TRIM24: variants seen among roughly 807,000 people sequenced by gnomAD.
The protein encoded by TRIM24 is tripartite motif containing 24.
A neutral mutation model predicts 123.9 loss-of-function variants in TRIM24; 29 were observed. The observed-to-expected ratio is 0.23, with a 90% CI of 0.17 to 0.32. The LOEUF (loss-of-function observed/expected upper bound fraction) is 0.32. Among genes scored for constraint, TRIM24 ranks in the 10% least tolerant of loss-of-function variants. TRIM24 has a pLI of 1.00. For missense variants in TRIM24, 932 were observed against 1,295.3 expected (o/e 0.72, Z 4.31); for synonymous variants, 456 against 461.1 (o/e 0.99, Z 0.14).
At chr7:138,563,549 C>T (rs947110066) in intron 9 of TRIM24, among the ~76,000 whole-genome samples, 1 of 152,164 alleles carries the variant, frequency 6.6e-6, no homozygotes, top group Admixed American at 6.5e-5. Flanking sequence ...CTCTTGGTCA[C>T]GGTTAATATA....
At chr7:138,500,908 C>T (rs1411574415) in intron 1 of TRIM24, among the ~76,000 whole-genome samples, 1 of 151,528 alleles carries the variant, frequency 6.6e-6, no homozygotes, top group African/African-American at 2.4e-5. Context: ...TCATCTGTAA[C>T]GCAATGGTAT....
intron 1 of TRIM24, among the ~76,000 whole-genome samples, chr7:138,489,580 A>G (rs1278427732): frequency 6.6e-6 from 1 of 152,128 alleles, no homozygotes; most frequent in Non-Finnish European, 1.5e-5. Flanking sequence ...CTTGTCTATA[A>G]AGGATTTTAT....
At chr7:138,484,572 A>G (rs563444884) in intron 1 of TRIM24, among the ~76,000 whole-genome samples, 22 of 152,086 alleles carry the variant, frequency 1.4e-4, no homozygotes, top group Non-Finnish European at 2.5e-4. Flanking sequence ...TTCTTTTCAC[A>G]TGCTGTAGGA....
intron 1 of TRIM24, among the ~76,000 whole-genome samples, chr7:138,474,464 C>T (rs951151939): frequency 6.6e-6 from 1 of 152,108 alleles, no homozygotes; most frequent in Non-Finnish European, 1.5e-5. Context: ...CAAGGAGCCC[C>T]AATTCCTTAT....
chr7:138,535,410 G>C (rs2116600728), intron 6 of TRIM24, among the ~76,000 whole-genome samples: 1 of 152,260 alleles, frequency 6.6e-6, no homozygotes, highest in South Asian at 2.1e-4. Flanking sequence ...TGGCAGGCCT[G>C]GTGGTGACAA....
intron 1 of TRIM24, among the ~76,000 whole-genome samples, chr7:138,487,424 A>G (rs553465010): frequency 1.6e-4 from 24 of 152,282 alleles, no homozygotes; most frequent in African/African-American, 4.1e-4. Flanking sequence ...GCCAATTTTC[A>G]AAGGGAATTT....
rs1043446680 is a variant in TRIM24, at chr7:138,546,428, T to C, written c.1144-4635T>C. Among the ~76,000 whole-genome samples, 15 of 152,326 alleles carry C rather than the reference T, an allele frequency of 9.8e-5. 1 individual carries two copies. Among genetic ancestry groups the C allele is most frequent in the Admixed American group, 6.5e-4 (10 of 15,308 alleles). ...GCATCATGGAAAAGACTGCTGAAAC[T>C]GTTGGCATTTGGATGAAGTGTTTAA... On this transcript the variant is annotated intron_variant, in intron 7 of 18. Transcript: ENST00000343526.
At chr7:138,526,077 CAA>C (rs1301821341) in intron 5 of TRIM24, among the ~76,000 whole-genome samples, 1 of 152,136 alleles carries the variant, frequency 6.6e-6, no homozygotes, top group East Asian at 1.9e-4. Context: ...GTTTTACACA[CAA>C]AAGAAATGTC....
chr7:138,507,932 T>C lies in TRIM24; in HGVS notation c.483+3524T>C, dbSNP rs1483029436. Reference sequence around the variant, plus strand: ...CTGGGTGACAGAGTGAGACCCTATCTCAAAAAAAAAAAAATTTTTTTTTAA... The same window carrying C: ...CTGGGTGACAGAGTGAGACCCTATCCCAAAAAAAAAAAAATTTTTTTTTAA... On this transcript the variant is annotated intron_variant, in intron 2 of 18. Transcript: ENST00000343526. 1.3e-4 allele frequency among the ~76,000 whole-genome samples: 20 copies of C among 148,314 alleles called. No individual in the cohort carries two copies. The Admixed American group carries it at 1.4e-3, about 10-fold the overall frequency.
chr7:138,560,496 C>T (rs1797403712), intron 9 of TRIM24, among the ~76,000 whole-genome samples: 1 of 152,188 alleles, frequency 6.6e-6, no homozygotes, highest in African/African-American at 2.4e-5. Flanking sequence ...TAGGTTTTTA[C>T]AGGGTGTGGC....
chr7:138,466,232 T>C (rs560265355), intron 1 of TRIM24, among the ~76,000 whole-genome samples: 1 of 152,116 alleles, frequency 6.6e-6, no homozygotes, highest in Non-Finnish European at 1.5e-5. Context: ...TGACCTCAGG[T>C]GATCCACCCG....
intron 7 of TRIM24, among the ~76,000 whole-genome samples, chr7:138,541,679 T>C (rs1797007981): frequency 6.6e-6 from 1 of 152,214 alleles, no homozygotes; most frequent in Admixed American, 6.5e-5. Flanking sequence ...AGTCAGTCTG[T>C]CCTTTGAGGA....
rs1798065979 is a variant in TRIM24, at chr7:138,589,179, G to T, written c.*4228G>T. ...TTTATTGCATATTCATCTTGAATGTGAATTTACTGTTGTAATTCACATACT... is the reference window on the plus strand; with the variant it reads ...TTTATTGCATATTCATCTTGAATGTTAATTTACTGTTGTAATTCACATACT... On this transcript the variant is annotated 3_prime_UTR_variant, in exon 19 of 19. Coordinates refer to ENST00000343526, the MANE Select transcript of TRIM24 (RefSeq NM_015905.3). The T allele has an allele frequency of 6.6e-6, 1 of 152,078 alleles. No individual in the cohort carries two copies. Among genetic ancestry groups the T allele is most frequent in the Non-Finnish European group, 1.5e-5 (1 of 68,012 alleles). 9.4% of individuals were successfully genotyped at this position (152,078 alleles called of 1,614,324 possible).
chr7:138,476,960 A>G (rs1795416314), intron 1 of TRIM24, among the ~76,000 whole-genome samples: 1 of 152,188 alleles, frequency 6.6e-6, no homozygotes, highest in Admixed American at 6.5e-5. Context: ...AAAGGAATGA[A>G]AAAGATATGA....
At chr7:138,467,085 T>A (rs1795159349) in intron 1 of TRIM24, among the ~76,000 whole-genome samples, 1 of 152,240 alleles carries the variant, frequency 6.6e-6, no homozygotes, top group Non-Finnish European at 1.5e-5. Context: ...GCCATCTGTG[T>A]GTGGTCTGTT....
rs1488656865 is a variant in TRIM24 at position 138,585,594 on chromosome 7, GA to G, written c.*644del. On this transcript the variant is annotated 3_prime_UTR_variant, in exon 19 of 19. Coordinates refer to ENST00000343526, the MANE Select transcript of TRIM24 (RefSeq NM_015905.3). The stretch of plus-strand genomic sequence containing the variant: ...AGAAAAATCCGGAAAACAAATGTTT[GA>G]TTTTTGTTTTTGTTTTTATCTTGTC... The G allele has an allele frequency of 2.0e-4, 61 of 300,728 alleles. No individual in the cohort carries two copies. The Admixed American group carries it at 3.3e-3, about 16-fold the overall frequency. 18.6% of individuals were successfully genotyped at this position (300,728 alleles called of 1,614,324 possible).
chr7:138,492,656 G>A (rs1351947621), intron 1 of TRIM24, among the ~76,000 whole-genome samples: 1 of 152,166 alleles, frequency 6.6e-6, no homozygotes, highest in Non-Finnish European at 1.5e-5. Context: ...TTTGGGGAAA[G>A]TCTCAAATGG....
intron 1 of TRIM24, among the ~76,000 whole-genome samples, chr7:138,467,188 T>C (rs1033703826): frequency 3.3e-5 from 5 of 152,230 alleles, no homozygotes; most frequent in Non-Finnish European, 5.9e-5. Context: ...TTGTTCTTTT[T>C]CAAAATTCTT....
chr7:138,525,561 T>C (rs1406089787), intron 5 of TRIM24, among the ~76,000 whole-genome samples: 1 of 152,202 alleles, frequency 6.6e-6, no homozygotes, highest in Non-Finnish European at 1.5e-5. Context: ...CTACACTTAG[T>C]ATTTTAATAG....
Sources: allele counts gnomAD v4.1 joint callset (sites outside exome capture counted in the v4.1 genomes callset), GRCh38; gene constraint gnomAD v4.1.1; transcripts MANE v1.5; gene names NCBI Gene and HGNC (gene_info 2026-07-23, HGNC 2026-07-21).